The following TMEM164 variants were observed in gnomAD, a reference collection of about 807,000 sequenced individuals.
TMEM164 encodes transmembrane protein 164.
Under a neutral mutation model 18.8 loss-of-function variants are expected in TMEM164, and 4 were observed. The observed-to-expected ratio is 0.21, with a 90% CI of 0.10 to 0.49. The LOEUF (loss-of-function observed/expected upper bound fraction) is 0.49, where lower values mean the gene tolerates loss of function less well. Ranked by LOEUF, TMEM164 falls within the 20% of genes least tolerant of loss-of-function variation. The pLI, the probability that TMEM164 is intolerant of heterozygous loss-of-function variation, is 0.98. For synonymous variants in TMEM164, 86 were observed against 101.7 expected (o/e 0.85, Z 0.93); for missense variants, 108 against 239.9 (o/e 0.45, Z 3.63).
chrX:110,066,246 A>G (rs1173477293), intron 2 of TMEM164, among the ~76,000 whole-genome samples: 2 of 111,960 alleles, frequency 1.8e-5, no homozygotes, highest in Non-Finnish European at 3.8e-5. Flanking sequence ...CATACAAGTG[A>G]TAAAGCCAAC....
intron 2 of TMEM164, among the ~76,000 whole-genome samples, chrX:110,060,993 A>G (rs1326409832): frequency 8.9e-6 from 1 of 112,357 alleles, no homozygotes; most frequent in Non-Finnish European, 1.9e-5. Context: ...TTGACAGATA[A>G]GGGAACTGAG....
At chrX:110,025,707 G>A (rs1344736801) in intron 2 of TMEM164, among the ~76,000 whole-genome samples, 1 of 112,109 alleles carries the variant, frequency 8.9e-6, no homozygotes. Context: ...CTGCCTTTCA[G>A]TTTTCTATTC....
chrX:110,054,266 C>T (rs1935712069), intron 2 of TMEM164, among the ~76,000 whole-genome samples: 1 of 111,959 alleles, frequency 8.9e-6, no homozygotes, highest in Non-Finnish European at 1.9e-5. Context: ...GACTGTAGTG[C>T]CAGGCACCTA....
intron 2 of TMEM164, among the ~76,000 whole-genome samples, chrX:110,064,774 C>T (rs1317611704): frequency 1.8e-5 from 2 of 108,309 alleles, no homozygotes; most frequent in African/African-American, 3.4e-5. Flanking sequence ...GACAGGAGTT[C>T]GAGACCAGCC....
chrX:110,144,778 T>C lies in TMEM164; in HGVS notation c.508-20T>C, dbSNP rs745789916. 6 of 1,185,493 alleles carry C rather than the reference T, an allele frequency of 5.1e-6. No homozygotes were observed. Among genetic ancestry groups the C allele is most frequent in the Admixed American group, 2.2e-5 (1 of 45,661 alleles). Reference sequence around the variant, plus strand: ...AATGCTTCCTGCTCTAAAACACTTCTCTCCCTCCTATCCTCACAGCTCCCC... The same window carrying C: ...AATGCTTCCTGCTCTAAAACACTTCCCTCCCTCCTATCCTCACAGCTCCCC... On this transcript the variant is annotated intron_variant, in intron 4 of 6. Coordinates refer to ENST00000372068, the MANE Select transcript of TMEM164 (RefSeq NM_032227.4).
chrX:110,095,325 G>A (rs1486546082), intron 3 of TMEM164, among the ~76,000 whole-genome samples: 6 of 111,999 alleles, frequency 5.4e-5, no homozygotes, highest in African/African-American at 1.6e-4. Context: ...CCAATCAGAC[G>A]TAGATTTGGT....
chrX:110,004,266 G>A, intron 2 of TMEM164, 102 bp downstream of exon 2: 2 of 1,007,281 alleles, frequency 2.0e-6, no homozygotes, highest in East Asian at 6.2e-5. Context: ...CGGGCAGGGG[G>A]ACCTTTAAAA....
rs772932857 is a variant in TMEM164 at position 110,064,681 on chromosome X, G to GA, written c.391-2661dup. 2.4e-4 allele frequency among the ~76,000 whole-genome samples: 26 copies of GA among 110,445 alleles called. No homozygotes were observed. In the East Asian group the frequency reaches 7.1e-3, roughly 30 times the overall value. On this transcript the variant is annotated intron_variant, in intron 2 of 6. Coordinates refer to ENST00000372068, the MANE Select transcript of TMEM164 (RefSeq NM_032227.4). ...TTAGTTATATCAAGTCAGCAGATTT[G>GA]AAAAAGGACCCTAGAGGCCAGGCAC...
chrX:110,015,580 T>TGTGTGTGC (rs1433935940), intron 2 of TMEM164, among the ~76,000 whole-genome samples: 3 of 108,264 alleles, frequency 2.8e-5, no homozygotes, highest in African/African-American at 7.0e-5. Flanking sequence ...TGTGTGTGTG[T>TGTGTGTGC]GCGCGCCTGT....
intron 3 of TMEM164, among the ~76,000 whole-genome samples, chrX:110,079,231 T>A (rs1051999172): frequency 1.8e-5 from 2 of 111,825 alleles, no homozygotes; most frequent in Non-Finnish European, 3.8e-5. Context: ...ATTTTCCTGG[T>A]CAAGAAGTAT....
intron 5 of TMEM164, among the ~76,000 whole-genome samples, chrX:110,160,185 T>C (rs1569356455): frequency 8.9e-6 from 1 of 112,055 alleles, no homozygotes; most frequent in Non-Finnish European, 1.9e-5. Flanking sequence ...GGTTCACAAA[T>C]AGGATCTTAA....
chrX:110,069,022 C>T (rs1412680546), intron 3 of TMEM164, among the ~76,000 whole-genome samples: 2 of 111,669 alleles, frequency 1.8e-5, no homozygotes, highest in African/African-American at 6.5e-5. Context: ...CATGAATGCA[C>T]AATAAGTTAT....
chrX:110,015,644 G>A (rs1933321077), intron 2 of TMEM164, among the ~76,000 whole-genome samples: 1 of 110,624 alleles, frequency 9.0e-6, no homozygotes, highest in Non-Finnish European at 1.9e-5. Flanking sequence ...GTGCACAAGT[G>A]CCTCATTATC....
At chrX:110,100,641 G>A (rs541583795) in intron 3 of TMEM164, among the ~76,000 whole-genome samples, 6 of 111,589 alleles carry the variant, frequency 5.4e-5, no homozygotes, top group African/African-American at 1.6e-4. Flanking sequence ...GCACAATCTC[G>A]GCTCACTGCA....
At chrX:110,144,722 G>A in intron 4 of TMEM164, 76 bp from the exon 5 acceptor site, 1 of 837,160 alleles carries the variant, frequency 1.2e-6, no homozygotes, top group Non-Finnish European at 1.7e-6. Flanking sequence ...CTGAACAGCA[G>A]GGGAGGTCAA....
At chrX:110,070,512 G>A (rs2881449) in intron 3 of TMEM164, among the ~76,000 whole-genome samples, 48,781 of 109,905 alleles carry the variant, frequency 0.44, 9,545 homozygotes, top group Non-Finnish European at 0.62. Context: ...ATCTGTTCAC[G>A]TCTTATTGTT....
At chrX:110,102,711 CTT>C (rs2066130630) in intron 3 of TMEM164, among the ~76,000 whole-genome samples, 1 of 111,892 alleles carries the variant, frequency 8.9e-6, no homozygotes, top group South Asian at 3.7e-4. Flanking sequence ...AGTAGGTACT[CTT>C]ATTAGTTCAA....
At chrX:110,078,795 G>A (rs762791330) in intron 3 of TMEM164, among the ~76,000 whole-genome samples, 1 of 111,742 alleles carries the variant, frequency 8.9e-6, no homozygotes, top group Non-Finnish European at 1.9e-5. Flanking sequence ...CTCCAACCTA[G>A]GCAACAATAG....
intron 2 of TMEM164, among the ~76,000 whole-genome samples, chrX:110,051,721 G>T (rs1292828046): frequency 8.9e-6 from 1 of 112,169 alleles, no homozygotes; most frequent in Non-Finnish European, 1.9e-5. Context: ...TATCTGTATG[G>T]AGGAACAGCA....
Sources: allele counts gnomAD v4.1 joint callset (sites outside exome capture counted in the v4.1 genomes callset), GRCh38; gene constraint gnomAD v4.1.1; transcripts MANE v1.5; gene names NCBI Gene and HGNC (gene_info 2026-07-23, HGNC 2026-07-21).